Variants in MYLK observed in about 807,000 individuals in gnomAD.
MYLK encodes myosin light chain kinase, smooth muscle.
In MYLK, 106 loss-of-function variants were observed where a neutral mutation model predicts 203.4. That is an observed-to-expected ratio of 0.52 (90% CI 0.45 to 0.61). MYLK has a LOEUF of 0.61. Among genes scored for constraint, MYLK ranks in the 20% least tolerant of loss-of-function variants. The probability of loss-of-function intolerance (pLI) is 0.00; values close to 1 mark genes in which losing one functional copy is unlikely to be tolerated. For missense variants in MYLK, 2,072 were observed against 2,442.3 expected, an observed-to-expected ratio of 0.85 and a Z score of 3.20; for synonymous variants, 867 against 959.5, an observed-to-expected ratio of 0.90 and a Z score of 1.78.
At chr3:123,695,717 A>C (rs1440337197) in intron 18 of MYLK, among the ~76,000 whole-genome samples, 1 of 152,220 alleles carries the variant, frequency 6.6e-6, no homozygotes, top group Non-Finnish European at 1.5e-5. Context: ...CCTGAAGGCA[A>C]TTAAAAATGA....
intron 1 of MYLK, among the ~76,000 whole-genome samples, chr3:123,877,984 T>C (rs1306329460): frequency 6.6e-6 from 1 of 152,022 alleles, no homozygotes; most frequent in East Asian, 1.9e-4. Context: ...GGTGAATGAG[T>C]GGAAAGTGCC....
chr3:123,660,836 C>T (rs2059538245), intron 23 of MYLK, among the ~76,000 whole-genome samples: 2 of 152,194 alleles, frequency 1.3e-5, no homozygotes, highest in South Asian at 4.1e-4. Flanking sequence ...GCTTAATAAA[C>T]CCTGATCAGG....
At chr3:123,676,721 A>G (rs915803298) in intron 20 of MYLK, among the ~76,000 whole-genome samples, 2 of 152,248 alleles carry the variant, frequency 1.3e-5, no homozygotes, top group Admixed American at 1.3e-4. Flanking sequence ...GGACCCTTGG[A>G]GCATGGGAAC....
chr3:123,716,871 T>C (rs33258), intron 13 of MYLK, among the ~76,000 whole-genome samples: 149,576 of 152,304 alleles, frequency 0.98, 73,499 homozygotes, highest in Middle Eastern at 1. Flanking sequence ...CAAACGTACA[T>C]GTATATGCTC....
At chr3:123,696,054 C>T in intron 18 of MYLK, among the ~76,000 whole-genome samples, 1 of 152,214 alleles carries the variant, frequency 6.6e-6, no homozygotes, top group African/African-American at 2.4e-5. Context: ...TGCCACAAAT[C>T]AACTAGTGGT....
chr3:123,670,803 TC>T (rs2059891292), intron 20 of MYLK, among the ~76,000 whole-genome samples: 1 of 152,244 alleles, frequency 6.6e-6, no homozygotes, highest in African/African-American at 2.4e-5. Flanking sequence ...CATTTCAGGT[TC>T]TCAATAGCCA....
At chr3:123,677,726 T>C (rs947761178) in intron 20 of MYLK, among the ~76,000 whole-genome samples, 1 of 151,744 alleles carries the variant, frequency 6.6e-6, no homozygotes, top group African/African-American at 2.4e-5. Context: ...GACAACAGTA[T>C]TGGTTCAATG....
intron 23 of MYLK, 62 bp downstream of exon 23, chr3:123,664,043 G>T (rs2059653552): frequency 1.2e-6 from 2 of 1,608,796 alleles, no homozygotes; most frequent in Non-Finnish European, 1.7e-6. Flanking sequence ...CACGTATCTT[G>T]CCTGGGGGCT....
intron 11 of MYLK, among the ~76,000 whole-genome samples, chr3:123,730,873 T>G (rs1479959109): frequency 6.6e-6 from 1 of 152,198 alleles, no homozygotes; most frequent in Non-Finnish European, 1.5e-5. Context: ...TAAAAACCAC[T>G]GAATTGTGTA....
chr3:123,677,106 A>C (rs556854829), intron 20 of MYLK, among the ~76,000 whole-genome samples: 4 of 152,326 alleles, frequency 2.6e-5, no homozygotes, highest in African/African-American at 7.2e-5. Context: ...TCTTTCCCTC[A>C]GGACACTTTT....
intron 2 of MYLK, among the ~76,000 whole-genome samples, chr3:123,875,544 T>C (rs931804910): frequency 7.2e-5 from 11 of 152,214 alleles, no homozygotes; most frequent in African/African-American, 2.4e-4. Flanking sequence ...TGATGGTGCC[T>C]ATATGACTAT....
At position 123,610,824 on chromosome 3, in the gene MYLK, T is replaced by TCAAA. The variant is rs1398513356; in HGVS notation, c.*3277_*3280dup. Reference sequence around the variant, plus strand: ...TGAGGTGTGGAGCAAAAAGCAAATTTCAAACATTTTAACAAAAATAAAAAA... The same window carrying TCAAA: ...TGAGGTGTGGAGCAAAAAGCAAATTTCAAACAAACATTTTAACAAAAATAAAAAA... On this transcript the variant is annotated 3_prime_UTR_variant, in exon 34 of 34. Transcript: ENST00000360304. The TCAAA allele has an allele frequency of 1.3e-5, 2 of 152,184 alleles. No homozygotes were observed. Among genetic ancestry groups the TCAAA allele is most frequent in the Non-Finnish European group, 2.9e-5 (2 of 68,034 alleles). The allele number at this position is 152,184 out of a possible 1,614,324, so 9.4% of individuals were successfully genotyped here.
intron 2 of MYLK, among the ~76,000 whole-genome samples, chr3:123,850,040 C>A (rs907600584): frequency 4.3e-4 from 66 of 152,214 alleles, no homozygotes; most frequent in Admixed American, 8.5e-4. Context: ...GATGGTTTCC[C>A]GCTTCATCCA....
chr3:123,714,490 C>T (rs1223873506), intron 13 of MYLK, among the ~76,000 whole-genome samples: 1 of 152,176 alleles, frequency 6.6e-6, no homozygotes, highest in African/African-American at 2.4e-5. Flanking sequence ...AAGGTTGTCT[C>T]AGAGAGCCCA....
At chr3:123,735,140 A>G in intron 9 of MYLK, 2 of 517,484 alleles carry the variant, frequency 3.9e-6, no homozygotes, top group East Asian at 3.7e-5. Flanking sequence ...TGCTAACCAG[A>G]GAAGAGACTG....
At chr3:123,798,417 TGAAGACA>T (rs2065067356) in intron 3 of MYLK, among the ~76,000 whole-genome samples, 1 of 152,120 alleles carries the variant, frequency 6.6e-6, no homozygotes, top group Non-Finnish European at 1.5e-5. Context: ...GGCCTGGCTT[TGAAGACA>T]CAAGACTCTT....
chr3:123,692,680 G>T (rs1370450234), intron 19 of MYLK, 55 bp downstream of exon 19: 6 of 1,348,456 alleles, frequency 4.4e-6, no homozygotes, highest in Non-Finnish European at 6.4e-6. Flanking sequence ...GAAGGGAGGG[G>T]CTGAGAAATG....
At chr3:123,654,677 A>AACCT (rs1392123734) in intron 24 of MYLK, among the ~76,000 whole-genome samples, 2 of 148,922 alleles carry the variant, frequency 1.3e-5, no homozygotes, top group South Asian at 2.1e-4. Context: ...ACCTTCTCCT[A>AACCT]ACCCCCAACT....
At chr3:123,851,299 G>C (rs546243896) in intron 2 of MYLK, among the ~76,000 whole-genome samples, 1 of 152,314 alleles carries the variant, frequency 6.6e-6, no homozygotes, top group South Asian at 2.1e-4. Flanking sequence ...TTGGTAGCTT[G>C]ATGGGGATGG....
Sources: gnomAD v4.1 joint callset for allele counts (sites outside exome capture counted in the v4.1 genomes callset) on GRCh38, gnomAD v4.1.1 for gene constraint, MANE v1.5 for transcripts, NCBI Gene and HGNC (gene_info 2026-07-23, HGNC 2026-07-21) for gene names.